Variants in MYH3 observed in about 807,000 individuals in gnomAD.
MYH3 encodes the protein myosin heavy chain 3.
In MYH3, 130 loss-of-function variants were observed where a neutral mutation model predicts 238.0. That is an observed-to-expected ratio of 0.55 (90% CI 0.47 to 0.63). The LOEUF (loss-of-function observed/expected upper bound fraction) is 0.63, where lower values mean the gene tolerates loss of function less well. Among genes scored for constraint, MYH3 ranks in the 30% least tolerant of loss-of-function variants. The probability of loss-of-function intolerance (pLI) is 0.00; values close to 1 mark genes in which losing one functional copy is unlikely to be tolerated. For synonymous variants in MYH3, 880 were observed against 924.1 expected (o/e 0.95, Z 0.86); for missense variants, 1,853 against 2,374.9 (o/e 0.78, Z 4.57).
chr17:10,642,368 T>G lies in MYH3; in HGVS notation c.1888+49A>C, dbSNP rs1329132128. The G allele has an allele frequency of 2.5e-6, 4 of 1,613,508 alleles. No individual in the cohort carries two copies. On this transcript the variant is annotated intron_variant, in intron 16 of 40. Transcript: ENST00000583535. The surrounding 1 kb of genome is among the most constrained non-coding windows in gnomAD (Gnocchi z 5.4). ...GTGAATCTAAAAGGTTTTTTGTTAC[T>G]GTGGAACAAATGGAGGGAAATCACA...
At chr17:10,636,375 A>C (rs969928642) in intron 28 of MYH3, among the ~76,000 whole-genome samples, 8 of 151,944 alleles carry the variant, frequency 5.3e-5, no homozygotes, top group African/African-American at 1.9e-4. Flanking sequence ...ATTGAGAAGA[A>C]CTGTAAATGT....
upstream of MYH3, chr17:10,657,443 G>A (rs201615): frequency 0.15 from 23,293 of 152,238 alleles, 2,751 homozygotes; most frequent in East Asian, 0.62. Flanking sequence ...TATCTTTGTC[G>A]TTGCCAAGGG....
At chr17:10,677,695 C>T in the MYH3 span, 2 of 152,226 alleles carry the variant, frequency 1.3e-5, no homozygotes, top group South Asian at 4.1e-4. Flanking sequence ...ATGCCTACTG[C>T]ATTGATAGGA....
Position 10,631,795 on chromosome 17 carries a change from T to C in MYH3, c.5160+18A>G. On this transcript the variant is annotated intron_variant, in intron 35 of 40. Coordinates refer to ENST00000583535, the MANE Select transcript of MYH3 (RefSeq NM_002470.4). ...TATGAGGCTGGAACCTCGCCTCTCT[T>C]CCTCTCCCTCCCCTCACCTGGGTAT... 2 of 1,614,090 alleles carry C rather than the reference T, an allele frequency of 1.2e-6. No individual in the cohort carries two copies. Among genetic ancestry groups the C allele is most frequent in the Non-Finnish European group, 1.7e-6 (2 of 1,180,006 alleles).
chr17:10,634,339 CCATAAATGTACT>C (rs2074193170), intron 31 of MYH3, among the ~76,000 whole-genome samples, 157 bp from the exon 32 acceptor site: 2 of 152,190 alleles, frequency 1.3e-5, no homozygotes, highest in Admixed American at 1.3e-4. Flanking sequence ...AGATTCTGTT[CCATAAATGTACT>C]CAAGGTAATG....
chr17:10,671,034 G>T, the MYH3 span, among the ~76,000 whole-genome samples: 1 of 152,072 alleles, frequency 6.6e-6, no homozygotes, highest in Non-Finnish European at 1.5e-5. Flanking sequence ...GGGACTACAG[G>T]CACGCACCAC....
chr17:10,631,921 G>C lies in MYH3; in HGVS notation c.5052C>G (p.Ala1684=), dbSNP rs149260479. The change falls in exon 35 of 41, where the codon GCC becomes GCG. Residue 1684 remains alanine (A), a synonymous_variant. Coordinates refer to ENST00000583535, the MANE Select transcript of MYH3 (RefSeq NM_002470.4). ...GAGTAGCCCGCAGCTCCTCCACCTC[G>C]GCCTGCAGCAGGTTGGCTCTGCGCT... is the stretch of plus-strand genomic sequence containing the variant. ...IVERRANLLQ[A]EVEELRATLE... The C allele has an allele frequency of 7.7e-5, 124 of 1,613,930 alleles. No homozygotes were observed. The highest frequency in any genetic ancestry group is 9.9e-5 in the Non-Finnish European group (117 of 1,180,026).
At chr17:10,656,595 G>A (rs950630829) in intron 1 of MYH3, among the ~76,000 whole-genome samples, 2 of 141,948 alleles carry the variant, frequency 1.4e-5, no homozygotes, top group African/African-American at 5.0e-5. Flanking sequence ...CTGGAAGATG[G>A]AAGAGCAGAT....
Position 10,635,624 on chromosome 17 carries a change from C to A in MYH3, c.3976-61G>T, listed in dbSNP as rs1567553897. 79 of 1,613,882 alleles carry A rather than the reference C, an allele frequency of 4.9e-5. No individual in the cohort carries two copies. In the South Asian group the frequency reaches 8.3e-4, roughly 17 times the overall value. ...TTTAGTGCCAGGTGCATGATACAAT[C>A]CAAGTGTGTCCCTTCTATCACCACC... On this transcript the variant is annotated intron_variant, in intron 29 of 40. Coordinates refer to ENST00000583535, the MANE Select transcript of MYH3 (RefSeq NM_002470.4).
chr17:10,636,896 A>G (rs2074221065), intron 28 of MYH3, among the ~76,000 whole-genome samples: 1 of 151,458 alleles, frequency 6.6e-6, no homozygotes, highest in Non-Finnish European at 1.5e-5. Flanking sequence ...CCTGGGTGAC[A>G]GAGAGTGAGA....
At position 10,642,576 on chromosome 17, in the gene MYH3, G is replaced by A; in HGVS notation, c.1729C>T (p.His577Tyr). 6.2e-7 allele frequency: 1 copy of A among 1,614,200 alleles called. No individual in the cohort carries two copies. Among genetic ancestry groups the A allele is most frequent in the Non-Finnish European group, 8.5e-7 (1 of 1,180,042 alleles). ...PKVVKGRAEA[H>Y]FSLIHYAGTV... ...CCCGCATAGTGGATCAGTGAGAAGTGAGCCTCGGCCCTGCCTTTGACCACC... is the reference window on the plus strand; with the variant it reads ...CCCGCATAGTGGATCAGTGAGAAGTAAGCCTCGGCCCTGCCTTTGACCACC... Residue 577 changes from histidine to tyrosine, a missense_variant, in exon 16 of 41, where the codon CAC (histidine) becomes TAC (tyrosine). By Grantham distance (83) the His-to-Tyr change is moderately conservative (BLOSUM62 2). Coordinates refer to ENST00000583535, the MANE Select transcript of MYH3 (RefSeq NM_002470.4). This position sits in a 1 kb window ranked among gnomAD's most constrained non-coding sequence, Gnocchi z 5.4.
In MYH3 at chr17:10,631,647, C is replaced by T. The variant is rs1377740859; in HGVS notation, c.5250G>A (p.Arg1750=). ...CCTTCTTGGCCTTCTCCTCAGCGTTCCTTGCATCCCTGCTGGCATCTTCTA... is the reference window on the plus strand; with the variant it reads ...CCTTCTTGGCCTTCTCCTCAGCGTTTCTTGCATCCCTGCTGGCATCTTCTA... ...SEVEDASRDA[R]NAEEKAKKAI... The change falls in exon 36 of 41, where the codon AGG becomes AGA. Residue 1750 remains arginine (R), a synonymous_variant. Transcript: ENST00000583535. The T allele has an allele frequency of 3.7e-6, 6 of 1,614,178 alleles. No homozygotes were observed. The Middle Eastern group carries it at 4.9e-4, about 133-fold the overall frequency.
chr17:10,648,090 A>G (rs1336113198), intron 8 of MYH3, among the ~76,000 whole-genome samples: 1 of 151,998 alleles, frequency 6.6e-6, no homozygotes, highest in Non-Finnish European at 1.5e-5. Flanking sequence ...ACTCCTTCTC[A>G]TGGCCTGTGG....
chr17:10,662,357 G>C, the MYH3 span, among the ~76,000 whole-genome samples: 1 of 152,100 alleles, frequency 6.6e-6, no homozygotes, highest in Non-Finnish European at 1.5e-5. Context: ...CAAGCATTTA[G>C]GTAAGTACAA....
chr17:10,631,658 T>A lies in MYH3; in HGVS notation c.5239A>T (p.Arg1747Trp). 1 of 1,614,214 alleles carries A rather than the reference T, an allele frequency of 6.2e-7. No individual in the cohort carries two copies. Among genetic ancestry groups the A allele is most frequent in the Admixed American group, 1.7e-5 (1 of 60,024 alleles). Residue 1747 changes from arginine to tryptophan, a missense_variant, in exon 36 of 41, where the codon AGG (arginine) becomes TGG (tryptophan). This residue lies in a region of MYH3 where 1,044 missense variants were observed against 1,192.6 expected (regional missense o/e 0.88). Transcript: ENST00000583535. Reference protein sequence around the residue: ...QLQSEVEDASRDARNAEEKAK... With the variant: ...QLQSEVEDASWDARNAEEKAK... ...TTCTCCTCAGCGTTCCTTGCATCCCTGCTGGCATCTTCTACCTCACTCTGG... is the reference window on the plus strand; with the variant it reads ...TTCTCCTCAGCGTTCCTTGCATCCCAGCTGGCATCTTCTACCTCACTCTGG...
In MYH3 at chr17:10,649,598, C is replaced by T. The variant is rs149186034; in HGVS notation, c.621G>A (p.Lys207=). The T allele has an allele frequency of 2.5e-6, 4 of 1,614,082 alleles. No homozygotes were observed. The African/African-American group carries it at 5.3e-5, about 22-fold the overall frequency. The change falls in exon 7 of 41, where the codon AAG becomes AAA. Residue 207 remains lysine (K), a synonymous_variant. Coordinates refer to ENST00000583535, the MANE Select transcript of MYH3 (RefSeq NM_002470.4). The part of the protein sequence containing the change: ...ATIAATGDLA[K]KKDSKMKGTL... ...ATACCTTCATTTTGGAGTCCTTCTT[C>T]TTGGCCAGGTCCCCAGTAGCTGCAA...
intron 2 of MYH3, 139 bp from the exon 3 acceptor site, chr17:10,655,211 C>T: frequency 1.4e-6 from 1 of 727,544 alleles, no homozygotes; most frequent in South Asian, 1.5e-5. Flanking sequence ...CCAGGCTGTC[C>T]TCATGCCTTG....
chr17:10,644,540 G>A, intron 13 of MYH3, 40 bp from the exon 14 acceptor site: 1 of 1,613,660 alleles, frequency 6.2e-7, no homozygotes, highest in Non-Finnish European at 8.5e-7. Context: ...TGAAGGAAGT[G>A]GCCAGCAGGG....
Position 10,649,657 on chromosome 17 carries a change from TCA to T in MYH3, c.560_561del (p.Val187GlufsTer53), listed in dbSNP as rs758180597. 6.2e-7 allele frequency: 1 copy of T among 1,614,242 alleles called. No homozygotes were observed. Among genetic ancestry groups the T allele is most frequent in the Non-Finnish European group, 8.5e-7 (1 of 1,180,032 alleles). The stretch of plus-strand genomic sequence containing the variant: ...AAGTACTGGATGACCCGTTTGGTGT[TCA>T]CAGTCTTTCCTGCCCCGGATTCTCC... ...ITGESGAGKT[V>X]NTKRVIQYFA... On this transcript the variant is annotated frameshift_variant, in exon 7 of 41. Coordinates refer to ENST00000583535, the MANE Select transcript of MYH3 (RefSeq NM_002470.4). LOFTEE classifies it high-confidence loss of function.
Sources: gnomAD v4.1 joint callset for allele counts (sites outside exome capture counted in the v4.1 genomes callset) on GRCh38, gnomAD v4.1.1 for gene constraint, gnomAD v4.1.1 regional missense constraint, Gnocchi (gnomAD v3.1) non-coding constraint, MANE v1.5 for transcripts, NCBI Gene and HGNC (gene_info 2026-07-23, HGNC 2026-07-21) for gene names.